Variants in KIFC3 observed in about 807,000 individuals in gnomAD.
KIFC3 encodes kinesin family member C3.
A neutral mutation model predicts 101.8 loss-of-function variants in KIFC3; 60 were observed. The observed-to-expected ratio is 0.59, with a 90% CI of 0.48 to 0.73. The LOEUF (loss-of-function observed/expected upper bound fraction) is 0.73. Ranked by LOEUF, KIFC3 falls within the 30% of genes least tolerant of loss-of-function variation. The pLI, the probability that KIFC3 is intolerant of heterozygous loss-of-function variation, is 0.00. For missense variants in KIFC3, 966 were observed against 1,137.1 expected (o/e 0.85, Z 2.16); for synonymous variants, 476 against 482.7 (o/e 0.99, Z 0.18).
chr16:57,820,709 C>T (rs1468203480), intron 1 of KIFC3, among the ~76,000 whole-genome samples: 9 of 152,222 alleles, frequency 5.9e-5, no homozygotes, highest in Non-Finnish European at 1.3e-4. Flanking sequence ...TCGTCTTTCT[C>T]TCATGAAGAC....
intron 13 of KIFC3, 111 bp downstream of exon 13, chr16:57,762,029 G>C: frequency 7.3e-7 from 1 of 1,368,690 alleles, no homozygotes; most frequent in East Asian, 2.3e-5. Flanking sequence ...CTGCCCCTGA[G>C]GCCTGCTCCC....
chr16:57,809,147 T>C (rs1036360958), intron 1 of KIFC3, among the ~76,000 whole-genome samples: 2 of 152,200 alleles, frequency 1.3e-5, no homozygotes, highest in African/African-American at 4.8e-5. Context: ...ATTATTATAA[T>C]AAGCATTTTC....
intron 1 of KIFC3, chr16:57,816,582 T>C (rs1353304870): frequency 2.2e-6 from 1 of 456,732 alleles, no homozygotes; most frequent in African/African-American, 2.0e-5. Flanking sequence ...GGAGGAATGT[T>C]GTTGCCAGAC....
intron 1 of KIFC3, among the ~76,000 whole-genome samples, chr16:57,850,366 G>A (rs979930441): frequency 1.5e-4 from 23 of 151,152 alleles, no homozygotes; most frequent in African/African-American, 5.1e-4. Flanking sequence ...TTGAGCCACT[G>A]GACTCCAGCC....
At chr16:57,785,347 G>A in intron 3 of KIFC3, 3 of 452,480 alleles carry the variant, frequency 6.6e-6, no homozygotes, top group Non-Finnish European at 9.6e-6. Flanking sequence ...CAGGAAACGA[G>A]ACCCCAGCTA....
Position 57,770,623 on chromosome 16 carries a change from G to A in KIFC3, c.843C>T (p.His281=), listed in dbSNP as rs1555607216. ...TCTGCATAGCCACCTGCTCCTGCAG[G>A]TGCTGGTTCCGGGCCTGGGACTCGC... ...ALSESQARNQ[H]LQEQVAMQRQ... is the part of the protein sequence containing the mutation. Residue 281 remains histidine (H), a synonymous_variant, in exon 7 of 20, where the codon CAC becomes CAT. Transcript: ENST00000445690. 2 of 1,549,950 alleles carry A rather than the reference G, an allele frequency of 1.3e-6. No individual in the cohort carries two copies. Among genetic ancestry groups the A allele is most frequent in the Admixed American group, 4.0e-5 (2 of 49,872 alleles).
chr16:57,762,213 C>A lies in KIFC3; in HGVS notation c.1675G>T (p.Val559Leu). ...QRALQLLFSE[V>L]QEKASDWEYT... Reference sequence around the variant, plus strand: ...TCCCAGTCAGACGCCTTCTCCTGCACCTCGGAGAAGAGCAGCTGCAGGGCC... The same window carrying A: ...TCCCAGTCAGACGCCTTCTCCTGCAACTCGGAGAAGAGCAGCTGCAGGGCC... The change falls in exon 13 of 20, where the codon GTG (valine) becomes TTG (leucine). Residue 559 changes from valine (V) to leucine (L), a missense_variant. Val to Leu is a conservative substitution (Grantham distance 32). Coordinates refer to ENST00000445690, the MANE Select transcript of KIFC3 (RefSeq NM_001130100.2). The A allele has an allele frequency of 6.2e-7, 1 of 1,609,366 alleles. No homozygotes were observed.
intron 3 of KIFC3, among the ~76,000 whole-genome samples, chr16:57,777,873 A>G (rs1298677341): frequency 7.2e-5 from 11 of 152,272 alleles, no homozygotes; most frequent in African/African-American, 2.7e-4. Context: ...AAGGTTGCCA[A>G]GATCATTTAA....
intron 1 of KIFC3, chr16:57,815,654 A>T (rs1272865658): frequency 5.4e-6 from 7 of 1,289,628 alleles, no homozygotes; most frequent in African/African-American, 1.5e-5. Context: ...ACGTAAGTGA[A>T]GTGGGTATTC....
At chr16:57,777,578 G>A (rs1247289397) in intron 3 of KIFC3, among the ~76,000 whole-genome samples, 5 of 151,998 alleles carry the variant, frequency 3.3e-5, no homozygotes, top group African/African-American at 9.7e-5. Flanking sequence ...AAAATTAGCC[G>A]GGCCTCATGG....
intron 1 of KIFC3, among the ~76,000 whole-genome samples, chr16:57,850,758 G>A (rs2056035812): frequency 6.6e-6 from 1 of 152,054 alleles, no homozygotes. Flanking sequence ...TTACAGGAGT[G>A]AGCCGCTGTG....
chr16:57,810,008 C>T (rs572461435), intron 1 of KIFC3, among the ~76,000 whole-genome samples: 1 of 152,104 alleles, frequency 6.6e-6, no homozygotes. Flanking sequence ...CCAATCCCTG[C>T]CTGCTGTTAA....
chr16:57,792,051 G>A (rs1049468495), intron 3 of KIFC3, among the ~76,000 whole-genome samples: 2 of 152,204 alleles, frequency 1.3e-5, no homozygotes, highest in African/African-American at 4.8e-5. Context: ...GGAAGGACAC[G>A]TCCCCTTGAA....
chr16:57,813,931 G>C, intron 1 of KIFC3: 1 of 844,342 alleles, frequency 1.2e-6, no homozygotes, highest in Non-Finnish European at 1.4e-6. Context: ...GGGCTGTGCA[G>C]TCACTCCTGC....
exon 1 of KIFC3, chr16:57,862,833 C>T (rs1266989796): frequency 7.8e-7 from 1 of 1,285,824 alleles, no homozygotes; most frequent in Non-Finnish European, 1.0e-6. Context: ...TCCATCTGTG[C>T]CATTTTCCGA....
At chr16:57,830,695 T>G (rs1264345871) in intron 1 of KIFC3, 1 of 152,218 alleles carries the variant, frequency 6.6e-6, no homozygotes, top group East Asian at 1.9e-4. Context: ...CCCCAAAGGA[T>G]GGTAGTGAGA....
chr16:57,769,327 C>T lies in KIFC3; in HGVS notation c.1218+268G>A, dbSNP rs368752308. 5.1e-4 allele frequency among the ~76,000 whole-genome samples: 78 copies of T among 152,324 alleles called. 2 individuals are homozygous for T. In the South Asian group the frequency reaches 0.014, roughly 28 times the overall value. On this transcript the variant is annotated intron_variant, in intron 9 of 19. Transcript: ENST00000445690. This position sits in a 1 kb window ranked among gnomAD's most constrained non-coding sequence, Gnocchi z 4.3. ...TTGGAATTACAGGTGTGAGCCACCGCGCCTGGCCTGCATGTTTGAAATATG... is the reference window on the plus strand; with the variant it reads ...TTGGAATTACAGGTGTGAGCCACCGTGCCTGGCCTGCATGTTTGAAATATG...
At position 57,822,811 on chromosome 16, in the gene KIFC3, C is replaced by T. The variant is rs532736405; in HGVS notation, c.109-24529G>A. Among the ~76,000 whole-genome samples the T allele has an allele frequency of 1.8e-3, 270 of 152,330 alleles. 3 individuals carry two copies. The highest frequency in any genetic ancestry group is 5.7e-3 in the African/African-American group (237 of 41,588). Reference sequence around the variant, plus strand: ...TGAAGGCAACACAGAGCTTGGATTTCCTTTTGCCATGAAAGACATTCTTGG... The same window carrying T: ...TGAAGGCAACACAGAGCTTGGATTTTCTTTTGCCATGAAAGACATTCTTGG... On this transcript the variant is annotated intron_variant, in intron 1 of 2. Transcript: ENST00000563028.
intron 18 of KIFC3, chr16:57,759,384 G>GGGGGCTGCA (rs2049538074): frequency 1.7e-6 from 1 of 603,658 alleles, no homozygotes; most frequent in Admixed American, 3.0e-5. Context: ...GGCACAGGGA[G>GGGGGCTGCA]GGGGCTGCAG....
Sources: allele counts gnomAD v4.1 joint callset (sites outside exome capture counted in the v4.1 genomes callset), GRCh38; gene constraint gnomAD v4.1.1; non-coding constraint Gnocchi (gnomAD v3.1); transcripts MANE v1.5; gene names NCBI Gene and HGNC (gene_info 2026-07-23, HGNC 2026-07-21).